Variants in SLC5A10 observed in about 807,000 individuals in gnomAD.
The protein encoded by SLC5A10 is sodium/mannose cotransporter SLC5A10.
SLC5A10 carries 55 observed loss-of-function variants against 68.9 expected under a neutral mutation model. The ratio of observed to expected loss-of-function variants is 0.80; its 90% CI spans 0.64 to 1.00. The LOEUF (loss-of-function observed/expected upper bound fraction) is 1.00, where lower values mean the gene tolerates loss of function less well. SLC5A10 is among the 50% of genes least tolerant of loss of function. SLC5A10 has a pLI of 0.00. For missense variants in SLC5A10, 732 were observed against 819.3 expected, an observed-to-expected ratio of 0.89 and a Z score of 1.30; for synonymous variants, 344 against 344.8, an observed-to-expected ratio of 1.00 and a Z score of 0.02.
chr17:18,954,532 G>T (rs1463868210), intron 1 of SLC5A10, among the ~76,000 whole-genome samples: 1 of 152,250 alleles, frequency 6.6e-6, no homozygotes, highest in African/African-American at 2.4e-5. Flanking sequence ...ATCCAGAAAA[G>T]ATCAGAACCA....
intron 9 of SLC5A10, among the ~76,000 whole-genome samples, chr17:18,982,344 C>T (rs1408926197): frequency 6.6e-6 from 1 of 152,222 alleles, no homozygotes; most frequent in African/African-American, 2.4e-5. Flanking sequence ...ATGGGCCCCA[C>T]CCCACGGGGC....
Position 19,003,444 on chromosome 17 carries a change from C to A in SLC5A10, c.983-9966C>A. 3 of 1,428,650 alleles carry A rather than the reference C, an allele frequency of 2.1e-6. No individual in the cohort carries two copies. Among genetic ancestry groups the A allele is most frequent in the Non-Finnish European group, 2.8e-6 (3 of 1,085,388 alleles). 88.5% of individuals were successfully genotyped at this position (1,428,650 alleles called of 1,614,324 possible). A position where few individuals can be genotyped will look rare whatever the true frequency, so the allele number is the denominator to read the frequency against. ...GCCCATGTTGGGCTCCCGTTTTGGG[C>A]TCTGAGTGAGCCTGTATTGAGAGGG... On this transcript the variant is annotated intron_variant, in intron 9 of 14. Transcript: ENST00000395645. The surrounding 1 kb of genome is among the most constrained non-coding windows in gnomAD (Gnocchi z 4.5).
intron 9 of SLC5A10, among the ~76,000 whole-genome samples, chr17:19,011,346 C>T (rs577367659): frequency 3.3e-5 from 5 of 152,216 alleles, no homozygotes; most frequent in East Asian, 1.9e-4. Context: ...GGAGGGACTA[C>T]GTCTGCAAAG....
Position 18,959,563 on chromosome 17 carries a change from G to A in SLC5A10, c.289-41G>A, listed in dbSNP as rs746937193. On this transcript the variant is annotated intron_variant, in intron 3 of 14. Coordinates refer to ENST00000395645, the MANE Select transcript of SLC5A10 (RefSeq NM_001042450.4). ...GCTTTGTCTCTGGAGCAGAGCTGTG[G>A]GAGCTGCACCTGCAGTCCTCACCTG... is the stretch of plus-strand genomic sequence containing the variant. The A allele has an allele frequency of 3.1e-6, 5 of 1,601,014 alleles. No homozygotes were observed. In the South Asian group the frequency reaches 5.5e-5, roughly 18 times the overall value.
Position 19,003,429 on chromosome 17 carries a change from G to A in SLC5A10, c.983-9981G>A, listed in dbSNP as rs1465074212. On this transcript the variant is annotated intron_variant, in intron 9 of 14. Coordinates refer to ENST00000395645, the MANE Select transcript of SLC5A10 (RefSeq NM_001042450.4). This position sits in a 1 kb window ranked among gnomAD's most constrained non-coding sequence, Gnocchi z 4.5. ...CAGAGATCCCTAGAAGCCCATGTTGGGCTCCCGTTTTGGGCTCTGAGTGAG... is the reference window on the plus strand; with the variant it reads ...CAGAGATCCCTAGAAGCCCATGTTGAGCTCCCGTTTTGGGCTCTGAGTGAG... The A allele has an allele frequency of 1.5e-6, 2 of 1,359,162 alleles. No individual in the cohort carries two copies. The highest frequency in any genetic ancestry group is 1.9e-6 in the Non-Finnish European group (2 of 1,033,976). The allele number at this position is 1,359,162 out of a possible 1,614,324, so 84.2% of individuals were successfully genotyped here.
chr17:18,962,132 C>T (rs1191596614), intron 5 of SLC5A10, among the ~76,000 whole-genome samples: 1 of 152,182 alleles, frequency 6.6e-6, no homozygotes, highest in African/African-American at 2.4e-5. Context: ...AGCCACCTCC[C>T]TGGAAACCAG....
chr17:19,016,562 G>A (rs2044145469), intron 11 of SLC5A10, among the ~76,000 whole-genome samples: 1 of 152,188 alleles, frequency 6.6e-6, no homozygotes, highest in Non-Finnish European at 1.5e-5. Flanking sequence ...AGAGCTCCAG[G>A]CAGCTGTCCC....
chr17:18,980,242 G>A (rs528766397), intron 9 of SLC5A10, among the ~76,000 whole-genome samples: 2 of 152,242 alleles, frequency 1.3e-5, no homozygotes, highest in South Asian at 2.1e-4. Context: ...GCTCTGCTCC[G>A]AGGACAGGAC....
In SLC5A10 at chr17:19,019,121, G is replaced by C. The variant is rs2044201490; in HGVS notation, c.1242-302G>C. 7 of 381,238 alleles carry C rather than the reference G, an allele frequency of 1.8e-5. No homozygotes were observed. The South Asian group carries it at 3.7e-4, about 20-fold the overall frequency. The allele number at this position is 381,238 out of a possible 1,614,324, so 23.6% of individuals were successfully genotyped here. A position where few individuals can be genotyped will look rare whatever the true frequency, so the allele number is the denominator to read the frequency against. ...ACTGGGACAGGTGCTTTGAAGGAGA[G>C]ACAAGAGGGAGCTCCATGGCGGAGC... On this transcript the variant is annotated intron_variant, in intron 11 of 14. Coordinates refer to ENST00000395645, the MANE Select transcript of SLC5A10 (RefSeq NM_001042450.4).
intron 9 of SLC5A10, chr17:18,977,617 C>T (rs372612886): frequency 8.1e-5 from 131 of 1,609,314 alleles, no homozygotes; most frequent in Non-Finnish European, 1.1e-4. Flanking sequence ...GCTGGGCCTG[C>T]ATCCTCTTCA....
At chr17:18,952,809 C>T (rs77637657) in intron 1 of SLC5A10, among the ~76,000 whole-genome samples, 2,265 of 152,262 alleles carry the variant, frequency 0.015, 57 homozygotes, top group African/African-American at 0.049. Flanking sequence ...GATCATAAGC[C>T]GGTTCTTTCT....
chr17:19,013,155 GGCA>G (rs1378511675), intron 9 of SLC5A10, among the ~76,000 whole-genome samples: 3 of 152,236 alleles, frequency 2.0e-5, no homozygotes, highest in African/African-American at 7.2e-5. Context: ...CAGAGCCAAC[GGCA>G]GGTGAGCCCC....
chr17:19,020,321 C>A lies in SLC5A10; in HGVS notation c.1685-4C>A. On this transcript the variant is annotated splice_polypyrimidine_tract_variant and splice_region_variant and intron_variant, in intron 14 of 14. Coordinates refer to ENST00000395645, the MANE Select transcript of SLC5A10 (RefSeq NM_001042450.4). ...TGTCCCTCTCCTTCTGCAACCCCCTCCAGGTGATGGCCAAACACCCCAGAA... is the reference window on the plus strand; with the variant it reads ...TGTCCCTCTCCTTCTGCAACCCCCTACAGGTGATGGCCAAACACCCCAGAA... The A allele has an allele frequency of 6.2e-7, 1 of 1,614,166 alleles. No homozygotes were observed. Among genetic ancestry groups the A allele is most frequent in the Non-Finnish European group, 8.5e-7 (1 of 1,180,004 alleles).
intron 9 of SLC5A10, among the ~76,000 whole-genome samples, chr17:18,991,936 G>A (rs1597875367): frequency 6.6e-6 from 1 of 152,134 alleles, no homozygotes. Flanking sequence ...GATGGCCCAA[G>A]ATGGCAGGGT....
chr17:18,977,658 G>A (rs748573813), intron 9 of SLC5A10: 2 of 1,610,174 alleles, frequency 1.2e-6, no homozygotes, highest in Non-Finnish European at 1.7e-6. Flanking sequence ...CCCCGACTCT[G>A]GGCCCATGGG....
chr17:18,950,708 T>G (rs185860765), upstream of SLC5A10: 135 of 985,324 alleles, frequency 1.4e-4, no homozygotes, highest in South Asian at 2.3e-4. Context: ...TTAATTGTTT[T>G]TTGTTGTTGT....
Position 18,959,326 on chromosome 17 carries a change from G to T in SLC5A10, c.288+87G>T, listed in dbSNP as rs1452373044. 1.7e-5 allele frequency: 24 copies of T among 1,385,380 alleles called. No homozygotes were observed. The South Asian group carries it at 2.3e-4, about 13-fold the overall frequency. The allele number at this position is 1,385,380 out of a possible 1,614,324, so 85.8% of individuals were successfully genotyped here. On this transcript the variant is annotated intron_variant, in intron 3 of 14. Coordinates refer to ENST00000395645, the MANE Select transcript of SLC5A10 (RefSeq NM_001042450.4). ...TGGAGGGGGACAGCTCCCAGTGGCTGGTGTCAGCCGATGTCCAGGTGGGCT... is the reference window on the plus strand; with the variant it reads ...TGGAGGGGGACAGCTCCCAGTGGCTTGTGTCAGCCGATGTCCAGGTGGGCT...
chr17:18,955,105 A>AAG (rs2042470362), intron 1 of SLC5A10, among the ~76,000 whole-genome samples: 1 of 144,064 alleles, frequency 6.9e-6, no homozygotes, highest in African/African-American at 2.6e-5. Context: ...AAAAAAAAAA[A>AAG]AAAAAGAATT....
intron 1 of SLC5A10, 71 bp downstream of exon 1, chr17:18,952,387 C>T: frequency 6.6e-7 from 1 of 1,526,034 alleles, no homozygotes; most frequent in Non-Finnish European, 8.9e-7. Context: ...AACCGGGGTC[C>T]AGCATGTCCC....
Sources: allele counts gnomAD v4.1 joint callset (sites outside exome capture counted in the v4.1 genomes callset), GRCh38; gene constraint gnomAD v4.1.1; non-coding constraint Gnocchi (gnomAD v3.1); transcripts MANE v1.5; gene names NCBI Gene and HGNC (gene_info 2026-07-23, HGNC 2026-07-21).